Variants in CDH13 observed in about 807,000 individuals in gnomAD.
The protein encoded by CDH13 is cadherin-13.
In CDH13, 24 loss-of-function variants were observed where a neutral mutation model predicts 63.8. That is an observed-to-expected ratio of 0.38 (90% CI 0.27 to 0.53). The LOEUF (loss-of-function observed/expected upper bound fraction) is 0.53. CDH13 is among the 20% of genes least tolerant of loss of function. The probability of loss-of-function intolerance (pLI) is 0.85; values close to 1 mark genes in which losing one functional copy is unlikely to be tolerated. For synonymous variants in CDH13, 503 were observed against 355.3 expected (o/e 1.42, Z -4.67); for missense variants, 1,049 against 903.1 (o/e 1.16, Z -2.07).
intron 3 of CDH13, among the ~76,000 whole-genome samples, chr16:83,124,918 T>C (rs569204846): frequency 3.9e-5 from 6 of 152,346 alleles, no homozygotes; most frequent in African/African-American, 1.4e-4. Context: ...TTGGTTACTA[T>C]AGCTTTGTAG....
intron 7 of CDH13, among the ~76,000 whole-genome samples, chr16:83,539,321 A>T (rs1054598258): frequency 2.0e-5 from 3 of 152,170 alleles, no homozygotes; most frequent in Admixed American, 6.5e-5. Flanking sequence ...ATGAGAATCT[A>T]ATGCCATGGC....
intron 10 of CDH13, among the ~76,000 whole-genome samples, chr16:83,711,502 T>G (rs887866543): frequency 2.0e-5 from 3 of 152,114 alleles, no homozygotes; most frequent in African/African-American, 7.2e-5. Flanking sequence ...GGTTTTTTAT[T>G]TTTTGGTTTT....
At chr16:82,935,499 C>T (rs1029225498) in intron 2 of CDH13, among the ~76,000 whole-genome samples, 3 of 152,162 alleles carry the variant, frequency 2.0e-5, no homozygotes, top group African/African-American at 4.8e-5. Context: ...AAATGAGATG[C>T]AGCTGGTTTC....
intron 4 of CDH13, among the ~76,000 whole-genome samples, chr16:83,185,295 G>T (rs1597482571): frequency 1.3e-5 from 2 of 152,128 alleles, no homozygotes; most frequent in African/African-American, 4.8e-5. Flanking sequence ...AAAGAAATAA[G>T]AATAATAACT....
rs970683732 is a variant in CDH13, at chr16:82,778,835, A to T, written c.46-79527A>T. On this transcript the variant is annotated intron_variant, in intron 1 of 13. Transcript: ENST00000567109. ...GACCACCACCTCCTTCCTTAATTCC[A>T]TGGTGGATTTAAAATGCTTAGATTA... Among the ~76,000 whole-genome samples the T allele has an allele frequency of 2.6e-5, 4 of 152,256 alleles. No individual in the cohort carries two copies. In the South Asian group the frequency reaches 8.3e-4, roughly 32 times the overall value.
intron 1 of CDH13, among the ~76,000 whole-genome samples, chr16:82,691,844 A>G (rs907382612): frequency 1.3e-5 from 2 of 152,158 alleles, no homozygotes; most frequent in African/African-American, 4.8e-5. Context: ...AGCAGCAGCA[A>G]TATCACCTGA....
At position 82,695,429 on chromosome 16, in the gene CDH13, C is replaced by T. The variant is rs547532511; in HGVS notation, c.45+68292C>T. Among the ~76,000 whole-genome samples the T allele has an allele frequency of 3.9e-4, 60 of 152,276 alleles. 1 individual carries two copies. In the South Asian group the frequency reaches 9.3e-3, roughly 24 times the overall value. The stretch of plus-strand genomic sequence containing the variant: ...TACTTCCCACCAATTTTTCTCCCTT[C>T]GATCTGTTCCTATATCTCTACCATT... On this transcript the variant is annotated intron_variant, in intron 1 of 13. Coordinates refer to ENST00000567109, the MANE Select transcript of CDH13 (RefSeq NM_001257.5).
intron 1 of CDH13, among the ~76,000 whole-genome samples, chr16:82,667,500 T>C (rs1405089562): frequency 2.0e-5 from 3 of 152,188 alleles, no homozygotes; most frequent in African/African-American, 7.2e-5. Context: ...GGCGTTCCTT[T>C]CCTTGCACCG....
intron 6 of CDH13, among the ~76,000 whole-genome samples, chr16:83,381,996 A>T (rs923506622): frequency 3.3e-5 from 5 of 152,214 alleles, no homozygotes; most frequent in African/African-American, 1.2e-4. Flanking sequence ...CACAGGAACG[A>T]CGAAAAAGTC....
At chr16:82,840,822 G>T (rs1218321522) in intron 1 of CDH13, among the ~76,000 whole-genome samples, 2 of 152,030 alleles carry the variant, frequency 1.3e-5, no homozygotes, top group Non-Finnish European at 2.9e-5. Context: ...CCGTTTCATT[G>T]TAACACAAAT....
chr16:83,041,709 G>A (rs1035889423), intron 3 of CDH13, among the ~76,000 whole-genome samples: 2 of 152,094 alleles, frequency 1.3e-5, no homozygotes, highest in Admixed American at 6.5e-5. Flanking sequence ...TACCTGAAAT[G>A]ACCAAAAATC....
chr16:83,623,238 A>T (rs6563951), intron 8 of CDH13, among the ~76,000 whole-genome samples: 19,790 of 152,092 alleles, frequency 0.13, 1,403 homozygotes, highest in African/African-American at 0.19. Context: ...CCAGGGACTC[A>T]GTCCCCTATT....
chr16:83,232,956 A>C (rs1213201385), intron 5 of CDH13, among the ~76,000 whole-genome samples: 1 of 152,160 alleles, frequency 6.6e-6, no homozygotes, highest in Non-Finnish European at 1.5e-5. Context: ...TGTCACCCTG[A>C]AATGATGCTG....
intron 8 of CDH13, among the ~76,000 whole-genome samples, chr16:83,621,618 CTG>C (rs1315473635): frequency 1.1e-4 from 16 of 150,004 alleles, no homozygotes; most frequent in Admixed American, 4.0e-4. Flanking sequence ...TCCTGAGTAG[CTG>C]GAATTACAGG....
At chr16:82,688,920 G>A (rs924718648) in intron 1 of CDH13, 1 of 152,122 alleles carries the variant, frequency 6.6e-6, no homozygotes, top group Non-Finnish European at 1.5e-5. Context: ...GAGGGGCTTG[G>A]TCAGGCTTCC....
At position 82,894,300 on chromosome 16, in the gene CDH13, G is replaced by A. The variant is rs73592316; in HGVS notation, c.157+35827G>A. On this transcript the variant is annotated intron_variant, in intron 2 of 13. Coordinates refer to ENST00000567109, the MANE Select transcript of CDH13 (RefSeq NM_001257.5). ...TGTTCTCCCATGTTGGAAGAAAACAGAGTTCAGGCCCCAAGGCAACTGACA... is the reference window on the plus strand; with the variant it reads ...TGTTCTCCCATGTTGGAAGAAAACAAAGTTCAGGCCCCAAGGCAACTGACA... 3.1e-3 allele frequency among the ~76,000 whole-genome samples: 472 copies of A among 152,324 alleles called. 2 individuals carry two copies. Among genetic ancestry groups the A allele is most frequent in the African/African-American group, 0.011 (461 of 41,568 alleles).
At chr16:83,268,369 G>A (rs79080397) in intron 5 of CDH13, among the ~76,000 whole-genome samples, 10,459 of 152,178 alleles carry the variant, frequency 0.069, 430 homozygotes, top group Middle Eastern at 0.15. Context: ...AGTTCTTTTC[G>A]CACAAATGCT....
intron 2 of CDH13, among the ~76,000 whole-genome samples, chr16:82,869,213 A>C (rs2040258174): frequency 6.6e-6 from 1 of 152,064 alleles, no homozygotes; most frequent in Admixed American, 6.6e-5. Flanking sequence ...CGCCTGGCTA[A>C]TTTTTGTAAT....
intron 8 of CDH13, among the ~76,000 whole-genome samples, chr16:83,644,122 G>C (rs571292126): frequency 1.3e-5 from 2 of 152,364 alleles, no homozygotes; most frequent in Non-Finnish European, 2.9e-5. Context: ...TAAAAATTCT[G>C]TAATCTCCTT....
Sources: allele counts gnomAD v4.1 joint callset (sites outside exome capture counted in the v4.1 genomes callset), GRCh38; gene constraint gnomAD v4.1.1; transcripts MANE v1.5; gene names NCBI Gene and HGNC (gene_info 2026-07-23, HGNC 2026-07-21).